The following CTSG variants were observed in gnomAD, a reference collection of about 807,000 sequenced individuals.
CTSG encodes cathepsin G.
In CTSG, 23 loss-of-function variants were observed where a neutral mutation model predicts 23.0. The observed-to-expected ratio is 1.00, with a 90% CI of 0.72 to 1.42. The LOEUF (loss-of-function observed/expected upper bound fraction) is 1.42, where lower values mean the gene tolerates loss of function less well. Among genes scored for constraint, CTSG ranks in the 40% most tolerant of loss-of-function variants. CTSG has a pLI of 0.00. For synonymous variants in CTSG, 140 were observed against 130.4 expected (o/e 1.07, Z -0.50); for missense variants, 312 against 326.2 (o/e 0.96, Z 0.33).
intron 2 of CTSG, 37 bp downstream of exon 2, chr14:24,575,228 T>TG (rs780991621): frequency 6.2e-7 from 1 of 1,613,110 alleles, no homozygotes; most frequent in Non-Finnish European, 8.5e-7. Context: ...CGCAGGGCTG[T>TG]GTTCCTGGCT....
chr14:24,575,339 T>C lies in CTSG; in HGVS notation c.129A>G (p.Pro43=). ...PYMAYLQIQS[P]AGQSRCGGFL... is the part of the protein sequence containing the mutation. ...ACCCTCCACATCTGCTCTGACCTGCTGGACTCTGGATCTGAAGATACGCCA... is the reference window on the plus strand; with the variant it reads ...ACCCTCCACATCTGCTCTGACCTGCCGGACTCTGGATCTGAAGATACGCCA... Residue 43 remains proline, a synonymous_variant, in exon 2 of 5, where the codon CCA becomes CCG. Transcript: ENST00000216336. 1 of 1,614,202 alleles carries C rather than the reference T, an allele frequency of 6.2e-7. No homozygotes were observed. The highest frequency in any genetic ancestry group is 8.5e-7 in the Non-Finnish European group (1 of 1,180,032).
At chr14:24,575,523 C>T (rs978589055) in intron 1 of CTSG, 111 bp from the exon 2 acceptor site, 9 of 1,169,024 alleles carry the variant, frequency 7.7e-6, no homozygotes, top group East Asian at 2.3e-5. Flanking sequence ...AGAGAGGGTG[C>T]AGGAGAGGGA....
Position 24,574,393 on chromosome 14 carries a change from C to A in CTSG, c.446G>T (p.Arg149Met). ...ATCTGTTCCCCTCCTCATGCTGACCCTGCCCCAGCCGGCCACAGTGCACAG... is the reference window on the plus strand; with the variant it reads ...ATCTGTTCCCCTCCTCATGCTGACCATGCCCCAGCCGGCCACAGTGCACAG... ...GTLCTVAGWG[R>M]VSMRRGTDTL... The change falls in exon 4 of 5, where the codon AGG becomes ATG. Residue 149 changes from arginine (R) to methionine (M), a missense_variant. Arg to Met is a moderately conservative substitution (Grantham distance 91). Transcript: ENST00000216336. 1 of 1,612,428 alleles carries A rather than the reference C, an allele frequency of 6.2e-7. No homozygotes were observed. The highest frequency in any genetic ancestry group is 1.1e-5 in the South Asian group (1 of 91,060).
At chr14:24,574,850 G>A (rs1253966423) in intron 2 of CTSG, 40 bp from the exon 3 acceptor site, 1 of 1,611,480 alleles carries the variant, frequency 6.2e-7, no homozygotes, top group African/African-American at 1.3e-5. Context: ...CAGGAGCTAT[G>A]GTCCACCAGC....
chr14:24,574,024 G>A (rs548196708), intron 4 of CTSG, among the ~76,000 whole-genome samples: 1 of 152,254 alleles, frequency 6.6e-6, no homozygotes, highest in Admixed American at 6.5e-5. Flanking sequence ...AGCCCAATCT[G>A]AGTCAAGGTA....
At chr14:24,574,859 G>A (rs758951815) in intron 2 of CTSG, 49 bp from the exon 3 acceptor site, 3 of 1,610,516 alleles carry the variant, frequency 1.9e-6, no homozygotes, top group Non-Finnish European at 1.7e-6. Flanking sequence ...TGGTCCACCA[G>A]CTCTGCAGGG....
chr14:24,575,504 G>A lies in CTSG; in HGVS notation c.56-92C>T, dbSNP rs1199928089. On this transcript the variant is annotated intron_variant, in intron 1 of 4. Transcript: ENST00000216336. ...GGCTCCAGAAAGGCTGGAAGATGGG[G>A]ACGGCAGGAGAGAGGGTGCAGGAGA... 2.8e-6 allele frequency: 4 copies of A among 1,404,140 alleles called. No homozygotes were observed. In the African/African-American group the frequency reaches 5.6e-5, roughly 20 times the overall value. 87.0% of individuals were successfully genotyped at this position (1,404,140 alleles called of 1,614,324 possible).
chr14:24,574,045 C>T (rs74039129), intron 4 of CTSG, among the ~76,000 whole-genome samples, 200 bp downstream of exon 4: 5 of 152,228 alleles, frequency 3.3e-5, no homozygotes, highest in African/African-American at 1.2e-4. Flanking sequence ...CCTCTCCCTT[C>T]TCCAGGAGAA....
chr14:24,574,315 A>G lies in CTSG; in HGVS notation c.524T>C (p.Ile175Thr), dbSNP rs775937279. 6.2e-7 allele frequency: 1 copy of G among 1,602,872 alleles called. No individual in the cohort carries two copies. Among genetic ancestry groups the G allele is most frequent in the Non-Finnish European group, 8.5e-7 (1 of 1,179,932 alleles). ...CCTTCGGGGGTCGTAGGAACCGAAG[A>G]TGCGGAGGCACTGCCTATCCCTCTG... The part of the protein sequence containing the change: ...RVQRDRQCLR[I>T]FGSYDPRRQI... The change falls in exon 4 of 5, where the codon ATC becomes ACC. Residue 175 changes from isoleucine to threonine, a missense_variant. By Grantham distance (89) the Ile-to-Thr change is moderately conservative (BLOSUM62 -1). Transcript: ENST00000216336.
At chr14:24,574,635 G>T (rs1303871110) in intron 3 of CTSG, 40 bp downstream of exon 3, 4 of 1,613,916 alleles carry the variant, frequency 2.5e-6, no homozygotes, top group Non-Finnish European at 3.4e-6. Flanking sequence ...ATTGTCCCCG[G>T]ACACACTAGG....
intron 4 of CTSG, 113 bp downstream of exon 4, chr14:24,574,132 C>A: frequency 7.3e-7 from 1 of 1,370,384 alleles, no homozygotes; most frequent in Non-Finnish European, 9.9e-7. Flanking sequence ...AATCCCCAGC[C>A]CACCCTGGTC....
At chr14:24,575,684 T>C (rs2066738584) in intron 1 of CTSG, among the ~76,000 whole-genome samples, 1 of 152,156 alleles carries the variant, frequency 6.6e-6, no homozygotes, top group Non-Finnish European at 1.5e-5. Context: ...AGAACAACCC[T>C]TGTTCCAGGC....
chr14:24,574,900 C>T, intron 2 of CTSG, 90 bp from the exon 3 acceptor site: 3 of 1,542,914 alleles, frequency 1.9e-6, no homozygotes, highest in Non-Finnish European at 2.7e-6. Context: ...GGCAAGACTG[C>T]AGCTAACCAG....
Position 24,575,408 on chromosome 14 carries a change from C to T in CTSG, c.60G>A (p.Glu20=), listed in dbSNP as rs751585793. ...FLLPTGAEAG[E]IIGGRESRPH... ...GCCTGCTCTCCCGGCCTCCGATGAT[C>T]TCCCCTGGAAGGAAGCATTTGGCAC... The change falls in exon 2 of 5, where the codon GAG becomes GAA. Residue 20 remains glutamate (E), a synonymous_variant. Coordinates refer to ENST00000216336, the MANE Select transcript of CTSG (RefSeq NM_001911.3). The T allele has an allele frequency of 6.2e-7, 1 of 1,614,146 alleles. No homozygotes were observed. The highest frequency in any genetic ancestry group is 1.1e-5 in the South Asian group (1 of 91,082).
At position 24,576,168 on chromosome 14, in the gene CTSG, C is replaced by T. The variant is rs1188202749; in HGVS notation, c.55+1G>A. On this transcript the variant is annotated splice_donor_variant, in intron 1 of 4. Coordinates refer to ENST00000216336, the MANE Select transcript of CTSG (RefSeq NM_001911.3). LOFTEE classifies it high-confidence loss of function. ...CTCTGAGGGTGGGGATGGTCACTCA[C>T]CTGCCTCAGCCCCAGTGGGTAGGAG... 1 of 1,609,156 alleles carries T rather than the reference C, an allele frequency of 6.2e-7. No individual in the cohort carries two copies. Among genetic ancestry groups the T allele is most frequent in the African/African-American group, 1.3e-5 (1 of 74,864 alleles).
Position 24,575,264 on chromosome 14 carries a change from C to T in CTSG, c.203+1G>A, listed in dbSNP as rs1272748969. On this transcript the variant is annotated splice_donor_variant, in intron 2 of 4. Transcript: ENST00000216336. LOFTEE classifies it high-confidence loss of function. ...GGCCAGGAAGTTCCTTAGCTCCTCACCTTCCCCAGCAATGAGCTGCTGTCA... is the reference window on the plus strand; with the variant it reads ...GGCCAGGAAGTTCCTTAGCTCCTCATCTTCCCCAGCAATGAGCTGCTGTCA... The T allele has an allele frequency of 6.2e-7, 1 of 1,614,108 alleles. No homozygotes were observed. The highest frequency in any genetic ancestry group is 2.2e-5 in the East Asian group (1 of 44,870).
Position 24,574,319 on chromosome 14 carries a change from G to A in CTSG, c.520C>T (p.Arg174Cys). ...CGGGGGTCGTAGGAACCGAAGATGC[G>A]GAGGCACTGCCTATCCCTCTGCACT... ...LRVQRDRQCL[R>C]IFGSYDPRRQ... is the part of the protein sequence containing the mutation. The change falls in exon 4 of 5, where the codon CGC (arginine) becomes TGC (cysteine). Residue 174 changes from arginine (R) to cysteine (C), a missense_variant. By Grantham distance (180) the Arg-to-Cys change is radical (BLOSUM62 -3). Coordinates refer to ENST00000216336, the MANE Select transcript of CTSG (RefSeq NM_001911.3). 6.2e-7 allele frequency: 1 copy of A among 1,603,510 alleles called. No individual in the cohort carries two copies. The highest frequency in any genetic ancestry group is 1.1e-5 in the South Asian group (1 of 91,062).
Position 24,575,237 on chromosome 14 carries a change from C to A in CTSG, c.203+28G>T, listed in dbSNP as rs200884114. On this transcript the variant is annotated intron_variant, in intron 2 of 4. Coordinates refer to ENST00000216336, the MANE Select transcript of CTSG (RefSeq NM_001911.3). ...GAGCTCCGCAGGGCTGTGTTCCTGG[C>A]TGGCCAGGAAGTTCCTTAGCTCCTC... The A allele has an allele frequency of 1.5e-3, 2,487 of 1,613,774 alleles. 2 individuals carry two copies. The highest frequency in any genetic ancestry group is 2.0e-3 in the Non-Finnish European group (2,336 of 1,179,832).
At chr14:24,574,634 G>A (rs767061568) in intron 3 of CTSG, 41 bp downstream of exon 3, 17 of 1,613,818 alleles carry the variant, frequency 1.1e-5, no homozygotes, top group Non-Finnish European at 1.4e-5. Context: ...CATTGTCCCC[G>A]GACACACTAG....
Sources: gnomAD v4.1 joint callset for allele counts (sites outside exome capture counted in the v4.1 genomes callset) on GRCh38, gnomAD v4.1.1 for gene constraint, MANE v1.5 for transcripts, NCBI Gene and HGNC (gene_info 2026-07-23, HGNC 2026-07-21) for gene names.